Variants in ASCC3 observed in about 807,000 individuals in gnomAD.
The protein encoded by ASCC3 is activating signal cointegrator 1 complex subunit 3.
A neutral mutation model predicts 256.3 loss-of-function variants in ASCC3; 158 were observed. The ratio of observed to expected loss-of-function variants is 0.62; its 90% confidence interval spans 0.54 to 0.70. The LOEUF (loss-of-function observed/expected upper bound fraction) is 0.70, where lower values mean the gene tolerates loss of function less well. ASCC3 is among the 30% of genes least tolerant of loss of function. The probability of loss-of-function intolerance (pLI) is 0.00; values close to 1 mark genes in which losing one functional copy is unlikely to be tolerated. For missense variants in ASCC3, 2,259 were observed against 2,626.0 expected, an observed-to-expected ratio of 0.86 and a Z score of 3.05; for synonymous variants, 948 against 883.4, an observed-to-expected ratio of 1.07 and a Z score of -1.30.
At position 100,662,341 on chromosome 6, in the gene ASCC3, T is replaced by C. The variant is rs527268532; in HGVS notation, c.2478+4A>G. 3 of 1,612,110 alleles carry C rather than the reference T, an allele frequency of 1.9e-6. No individual in the cohort carries two copies. Among genetic ancestry groups the C allele is most frequent in the Admixed American group, 3.3e-5 (2 of 59,844 alleles). On this transcript the variant is annotated splice_donor_region_variant and intron_variant, in intron 15 of 41. Coordinates refer to ENST00000369162, the MANE Select transcript of ASCC3 (RefSeq NM_006828.4). ...TCCATTTATCAAGGAAGGTAAGCTCTTACCTTAATAATAACAGCATGGGCG... is the reference window on the plus strand; with the variant it reads ...TCCATTTATCAAGGAAGGTAAGCTCCTACCTTAATAATAACAGCATGGGCG...
chr6:100,582,182 G>A (rs1052178648), intron 36 of ASCC3, among the ~76,000 whole-genome samples: 3 of 151,958 alleles, frequency 2.0e-5, no homozygotes, highest in African/African-American at 7.2e-5. Context: ...TGGGCAGTAT[G>A]GCCATTATCA....
At chr6:100,677,483 T>C (rs536170551) in intron 14 of ASCC3, among the ~76,000 whole-genome samples, 44 of 152,286 alleles carry the variant, frequency 2.9e-4, no homozygotes, top group African/African-American at 9.1e-4. Context: ...CACTACTTAA[T>C]ATGAGATTCT....
intron 20 of ASCC3, among the ~76,000 whole-genome samples, 155 bp downstream of exon 20, chr6:100,650,383 T>C (rs1217711000): frequency 2.0e-5 from 3 of 151,760 alleles, no homozygotes; most frequent in Admixed American, 2.0e-4. Flanking sequence ...ATAGATTACA[T>C]AAAATATTTA....
At chr6:100,670,407 A>G (rs1776683413) in intron 14 of ASCC3, among the ~76,000 whole-genome samples, 1 of 151,960 alleles carries the variant, frequency 6.6e-6, no homozygotes, top group African/African-American at 2.4e-5. Context: ...ATATTTGCAT[A>G]TAATTTACAC....
At chr6:100,687,679 G>A (rs532791407) in intron 13 of ASCC3, among the ~76,000 whole-genome samples, 9 of 152,046 alleles carry the variant, frequency 5.9e-5, no homozygotes, top group Non-Finnish European at 1.2e-4. Context: ...ATGGTAAAAA[G>A]CCTAAAAAAA....
At chr6:100,651,138 A>G (rs1446912148) in intron 19 of ASCC3, among the ~76,000 whole-genome samples, 1 of 151,890 alleles carries the variant, frequency 6.6e-6, no homozygotes, top group African/African-American at 2.4e-5. Flanking sequence ...ATACATTCAT[A>G]GCTTAAAGCC....
At chr6:100,539,025 A>G (rs1170532189) in intron 37 of ASCC3, among the ~76,000 whole-genome samples, 2 of 152,112 alleles carry the variant, frequency 1.3e-5, no homozygotes, top group African/African-American at 2.4e-5. Flanking sequence ...CTATGGAGAA[A>G]AGCCTTGAAA....
In ASCC3 at chr6:100,864,154, T is replaced by G; in HGVS notation, c.151A>C (p.Ile51Leu). Residue 51 changes from isoleucine (I) to leucine (L), a missense_variant, in exon 3 of 42, where the codon ATA becomes CTA. Coordinates refer to ENST00000369162, the MANE Select transcript of ASCC3 (RefSeq NM_006828.4). ...LDLGLTWKKIIKFLNEKLEKS... is the reference protein window; with the variant it reads ...LDLGLTWKKILKFLNEKLEKS... ...TCCAGTTTTTCATTCAAAAATTTTA[T>G]TATCTTCTTCCATGTCAGGCCCAAA... is the stretch of plus-strand genomic sequence containing the variant. 6.2e-7 allele frequency: 1 copy of G among 1,608,836 alleles called. No homozygotes were observed. The highest frequency in any genetic ancestry group is 8.5e-7 in the Non-Finnish European group (1 of 1,176,830).
intron 10 of ASCC3, among the ~76,000 whole-genome samples, chr6:100,732,404 G>A (rs1186734800): frequency 2.6e-5 from 4 of 152,072 alleles, no homozygotes; most frequent in African/African-American, 4.8e-5. Context: ...CAGAGGAAAG[G>A]GGGAATCTAA....
intron 10 of ASCC3, among the ~76,000 whole-genome samples, chr6:100,762,705 T>C (rs1021763394): frequency 3.3e-5 from 5 of 152,184 alleles, no homozygotes; most frequent in Admixed American, 6.6e-5. Context: ...CTGCTATACC[T>C]GAAGGTCCCT....
Position 100,629,199 on chromosome 6 carries a change from A to C in ASCC3, c.4209-18T>G, listed in dbSNP as rs1440611065. ...CAATAACTCTGGAGGGAAATATAAC[A>C]ATGATCCCAGAAACTTTTCAGGTAA... On this transcript the variant is annotated intron_variant, in intron 26 of 41. Transcript: ENST00000369162. 3 of 1,610,632 alleles carry C rather than the reference A, an allele frequency of 1.9e-6. No homozygotes were observed. In the African/African-American group the frequency reaches 4.0e-5, roughly 22 times the overall value.
chr6:100,775,688 T>C (rs1162897668), intron 8 of ASCC3, among the ~76,000 whole-genome samples: 1 of 152,056 alleles, frequency 6.6e-6, no homozygotes, highest in Non-Finnish European at 1.5e-5. Context: ...CCTCCAAAAC[T>C]TCCTAACATA....
In ASCC3 at chr6:100,819,662, G is replaced by A. The variant is rs1012870861; in HGVS notation, c.802-13782C>T. Among the ~76,000 whole-genome samples, 49 of 152,068 alleles carry A rather than the reference G, an allele frequency of 3.2e-4. 2 individuals are homozygous for A. The highest frequency in any genetic ancestry group is 1.2e-4 in the Non-Finnish European group (8 of 68,010). ...GGCAAGAAGCATCCAGGAAGGGGGT[G>A]GGGGGAGATGAATGCCAGAAGACTC... On this transcript the variant is annotated intron_variant, in intron 4 of 41. Transcript: ENST00000369162.
intron 36 of ASCC3, among the ~76,000 whole-genome samples, chr6:100,581,219 A>T (rs920399936): frequency 3.3e-5 from 5 of 152,274 alleles, no homozygotes; most frequent in Non-Finnish European, 5.9e-5. Flanking sequence ...GTGTTCCTAT[A>T]TCTCCACATG....
intron 8 of ASCC3, among the ~76,000 whole-genome samples, chr6:100,796,711 A>C (rs560298057): frequency 2.0e-4 from 30 of 152,266 alleles, no homozygotes; most frequent in Admixed American, 1.8e-3. Flanking sequence ...GCACCACCTG[A>C]TCTGTGACTT....
chr6:100,711,871 C>A (rs1778868805), intron 13 of ASCC3, among the ~76,000 whole-genome samples: 1 of 152,182 alleles, frequency 6.6e-6, no homozygotes, highest in Non-Finnish European at 1.5e-5. Context: ...GAATAGCCAA[C>A]ACAATATTGC....
intron 33 of ASCC3, among the ~76,000 whole-genome samples, chr6:100,604,008 C>A (rs1050873591): frequency 6.6e-6 from 1 of 152,016 alleles, no homozygotes; most frequent in Non-Finnish European, 1.5e-5. Flanking sequence ...ACGATTGATG[C>A]TATTTCACCC....
chr6:100,784,836 G>C (rs1782615773), intron 8 of ASCC3, among the ~76,000 whole-genome samples: 1 of 151,878 alleles, frequency 6.6e-6, no homozygotes, highest in Admixed American at 6.6e-5. Flanking sequence ...AACAAAAGGA[G>C]AAAGGCCTAT....
intron 10 of ASCC3, among the ~76,000 whole-genome samples, chr6:100,744,899 A>G (rs1430068354): frequency 6.6e-6 from 1 of 152,216 alleles, no homozygotes; most frequent in South Asian, 2.1e-4. Context: ...GGAAAGCATG[A>G]CGTTTGTAAA....
Sources: allele counts gnomAD v4.1 joint callset (sites outside exome capture counted in the v4.1 genomes callset), GRCh38; gene constraint gnomAD v4.1.1; transcripts MANE v1.5; gene names NCBI Gene and HGNC (gene_info 2026-07-23, HGNC 2026-07-21).